ILDR1: variants seen among roughly 807,000 people sequenced by gnomAD.
The protein encoded by ILDR1 is immunoglobulin-like domain-containing receptor 1.
A neutral mutation model predicts 62.4 loss-of-function variants in ILDR1; 56 were observed. The ratio of observed to expected loss-of-function variants is 0.90; its 90% CI spans 0.72 to 1.12. The LOEUF (loss-of-function observed/expected upper bound fraction) is 1.12, where lower values mean the gene tolerates loss of function less well. Ranked by LOEUF, ILDR1 falls within the 50% of genes most tolerant of loss-of-function variation. The pLI, the probability that ILDR1 is intolerant of heterozygous loss-of-function variation, is 0.00. For synonymous variants in ILDR1, 284 were observed against 277.8 expected (o/e 1.02, Z -0.22); for missense variants, 736 against 710.6 (o/e 1.04, Z -0.41).
At chr3:122,055,935 A>G in the ILDR1 span, among the ~76,000 whole-genome samples, 2 of 152,200 alleles carry the variant, frequency 1.3e-5, no homozygotes, top group Admixed American at 6.5e-5. Context: ...AAAAAGAGGT[A>G]TAAGGAGAAA....
At chr3:121,994,410 G>T in intron 5 of ILDR1, 97 bp from the exon 6 acceptor site, 2 of 1,354,392 alleles carry the variant, frequency 1.5e-6, no homozygotes, top group Non-Finnish European at 2.0e-6. Flanking sequence ...CAAGAGGCCA[G>T]CTTCTCTTGT....
intron 1 of ILDR1, among the ~76,000 whole-genome samples, chr3:122,011,519 T>C (rs1221021143): frequency 6.6e-6 from 1 of 152,032 alleles, no homozygotes; most frequent in African/African-American, 2.4e-5. Flanking sequence ...TGTGTGAATA[T>C]CAAGCCTTGA....
the ILDR1 span, among the ~76,000 whole-genome samples, chr3:122,040,053 G>A: frequency 6.6e-6 from 1 of 151,900 alleles, no homozygotes; most frequent in African/African-American, 2.4e-5. Flanking sequence ...TTAAATCTAT[G>A]TTAATTAAGA....
At chr3:122,050,495 A>T in the ILDR1 span, among the ~76,000 whole-genome samples, 1 of 152,004 alleles carries the variant, frequency 6.6e-6, no homozygotes, top group Non-Finnish European at 1.5e-5. Flanking sequence ...CTATCTTTTT[A>T]AAGCCGATAA....
At chr3:122,040,788 A>T in the ILDR1 span, among the ~76,000 whole-genome samples, 30 of 152,028 alleles carry the variant, frequency 2.0e-4, no homozygotes, top group African/African-American at 6.5e-4. Context: ...CCTAAATTTA[A>T]AATGAAAAAC....
In ILDR1 at chr3:121,993,925, G is replaced by T; in HGVS notation, c.824C>A (p.Thr275Asn). 6.2e-7 allele frequency: 1 copy of T among 1,613,354 alleles called. No individual in the cohort carries two copies. The highest frequency in any genetic ancestry group is 8.5e-7 in the Non-Finnish European group (1 of 1,180,014). Residue 275 changes from threonine to asparagine, a missense_variant, in exon 7 of 8, where the codon ACC becomes AAC. Physicochemically the swap from Thr to Asn is moderately conservative, Grantham distance 65. Transcript: ENST00000344209. Reference protein sequence around the residue: ...SSLPQMPMTQTTNQPPIANGV... With the variant: ...SSLPQMPMTQNTNQPPIANGV... ...ATTGGCGATGGGAGGCTGATTGGTGGTCTGGGTCATTGGCATCTGCGGGAG... is the reference window on the plus strand; with the variant it reads ...ATTGGCGATGGGAGGCTGATTGGTGTTCTGGGTCATTGGCATCTGCGGGAG...
chr3:122,021,544 T>C (rs1381478135), intron 1 of ILDR1, among the ~76,000 whole-genome samples: 2 of 152,178 alleles, frequency 1.3e-5, no homozygotes, highest in African/African-American at 4.8e-5. Flanking sequence ...CAGAAGTACA[T>C]GTTGTGGTCC....
the ILDR1 span, among the ~76,000 whole-genome samples, chr3:122,052,997 C>T: frequency 2.0e-5 from 3 of 152,166 alleles, no homozygotes; most frequent in Admixed American, 1.3e-4. Context: ...GAGGGTATAC[C>T]GTGAATTTTC....
Position 122,022,093 on chromosome 3 carries a change from G to C in ILDR1, c.-16C>G. ...GCCATGCCATGCCGCCCCCTTTCTG[G>C]CCCTTTTCAGCTCAGGGGCTTCGGG... On this transcript the variant is annotated 5_prime_UTR_variant, in exon 1 of 8. Transcript: ENST00000344209. 6.3e-7 allele frequency: 1 copy of C among 1,595,048 alleles called. No individual in the cohort carries two copies.
chr3:121,992,812 C>A (rs190348939), intron 7 of ILDR1, among the ~76,000 whole-genome samples: 1 of 152,356 alleles, frequency 6.6e-6, no homozygotes, highest in East Asian at 1.9e-4. Flanking sequence ...AGCCTGCATT[C>A]AAGTCCTAGC....
intron 1 of ILDR1, among the ~76,000 whole-genome samples, chr3:122,016,299 G>C (rs1207584803): frequency 6.6e-6 from 1 of 152,104 alleles, no homozygotes; most frequent in East Asian, 1.9e-4. Flanking sequence ...TTCTTTCCTG[G>C]CCTTGTCACA....
intron 1 of ILDR1, among the ~76,000 whole-genome samples, chr3:122,011,239 C>G (rs192359950): frequency 6.6e-6 from 1 of 152,002 alleles, no homozygotes; most frequent in South Asian, 2.1e-4. Context: ...ATAGAGGTAG[C>G]GCATTTGGGA....
At chr3:122,027,112 C>A (rs1382989992), upstream of ILDR1, among the ~76,000 whole-genome samples, 1 of 152,080 alleles carries the variant, frequency 6.6e-6, no homozygotes, top group Non-Finnish European at 1.5e-5. Flanking sequence ...AATTGTAAAC[C>A]GTTACTGAAA....
rs920852517 is a variant in ILDR1, at chr3:121,994,185, G to A, written c.775C>T (p.Arg259Ter). ...CCAAATCTCTGGAAGAGTTTACCTC[G>A]CTGCAGCAGCGGGTGCATTGGATAA... ...SSYPMHPLLQ[R>*]DLSLPSSLPQ... Residue 259 changes from arginine (R) to a stop codon, truncating the protein, a stop_gained, in exon 6 of 8, where the codon CGA becomes TGA. Coordinates refer to ENST00000344209, the MANE Select transcript of ILDR1 (RefSeq NM_001199799.2). LOFTEE classifies it high-confidence loss of function. The A allele has an allele frequency of 3.7e-5, 57 of 1,535,896 alleles. No homozygotes were observed. Among genetic ancestry groups the A allele is most frequent in the Middle Eastern group, 3.3e-4 (2 of 6,012 alleles).
the ILDR1 span, among the ~76,000 whole-genome samples, chr3:122,027,847 A>T: frequency 6.6e-6 from 1 of 152,168 alleles, no homozygotes; most frequent in Non-Finnish European, 1.5e-5. Flanking sequence ...GGGGGTTGTG[A>T]GTACCTCCAA....
chr3:122,007,168 C>G lies in ILDR1; in HGVS notation c.59-7G>C. The G allele has an allele frequency of 6.2e-7, 1 of 1,614,086 alleles. No individual in the cohort carries two copies. The highest frequency in any genetic ancestry group is 8.5e-7 in the Non-Finnish European group (1 of 1,180,016). On this transcript the variant is annotated splice_region_variant and splice_polypyrimidine_tract_variant and intron_variant, in intron 1 of 7. Transcript: ENST00000344209. ...ACAAGCAAGGACAGGCACCCTAAAG[C>G]CAAGAGCAGGAGAAAATGCTGAAGG...
At chr3:122,060,382 G>C in the ILDR1 span, among the ~76,000 whole-genome samples, 13 of 152,224 alleles carry the variant, frequency 8.5e-5, no homozygotes, top group African/African-American at 3.1e-4. Flanking sequence ...CAGAAAGTCT[G>C]GTGATAAAAT....
the ILDR1 span, among the ~76,000 whole-genome samples, chr3:122,052,011 G>A: frequency 4.6e-5 from 7 of 151,206 alleles, no homozygotes; most frequent in East Asian, 1.9e-4. Flanking sequence ...CTTTTTTTTT[G>A]ATCTTGGCAG....
chr3:122,049,958 C>T, the ILDR1 span, among the ~76,000 whole-genome samples: 4 of 152,202 alleles, frequency 2.6e-5, no homozygotes, highest in African/African-American at 9.7e-5. Flanking sequence ...CTTTGACTTC[C>T]CAATCTCCAT....
Sources: allele counts gnomAD v4.1 joint callset (sites outside exome capture counted in the v4.1 genomes callset), GRCh38; gene constraint gnomAD v4.1.1; transcripts MANE v1.5; gene names NCBI Gene and HGNC (gene_info 2026-07-23, HGNC 2026-07-21).